Variants in PARVA observed in about 807,000 individuals in gnomAD.
PARVA encodes the protein alpha-parvin.
A neutral mutation model predicts 52.6 loss-of-function variants in PARVA; 25 were observed. The ratio of observed to expected loss-of-function variants is 0.48; its 90% CI spans 0.35 to 0.66. The LOEUF is 0.66. Ranked by LOEUF, PARVA falls within the 30% of genes least tolerant of loss-of-function variation. The pLI is 0.01. For synonymous variants in PARVA, 185 were observed against 179.1 expected (o/e 1.03, Z -0.26); for missense variants, 373 against 450.9 (o/e 0.83, Z 1.56).
rs776245334 is a variant in PARVA, at chr11:12,477,984, T to C, written c.400+35T>C. ...TTGAGTGCTGCAATGGATGTGTGTT[T>C]AATTGCAGGTGGTTGGATCACCTAC... On this transcript the variant is annotated intron_variant, in intron 4 of 12. Transcript: ENST00000334956. 7 of 1,138,594 alleles carry C rather than the reference T, an allele frequency of 6.1e-6. No individual in the cohort carries two copies. The Admixed American group carries it at 1.2e-4, about 19-fold the overall frequency. The allele number at this position is 1,138,594 out of a possible 1,614,324, so 70.5% of individuals were successfully genotyped here. A position where few individuals can be genotyped will look rare whatever the true frequency, so the allele number is the denominator to read the frequency against.
intron 5 of PARVA, among the ~76,000 whole-genome samples, chr11:12,502,478 G>A (rs1205659235): frequency 1.3e-5 from 2 of 151,894 alleles, no homozygotes; most frequent in Non-Finnish European, 2.9e-5. Flanking sequence ...GGACTGTGAA[G>A]GCAGGCAAAA....
At chr11:12,517,192 T>C (rs1352709851) in intron 10 of PARVA, among the ~76,000 whole-genome samples, 1 of 152,006 alleles carries the variant, frequency 6.6e-6, no homozygotes, top group Non-Finnish European at 1.5e-5. Context: ...GGGCGACCTT[T>C]CTCAACCTCA....
chr11:12,423,666 T>C (rs1174104675), intron 1 of PARVA, among the ~76,000 whole-genome samples: 1 of 152,234 alleles, frequency 6.6e-6, no homozygotes, highest in Non-Finnish European at 1.5e-5. Flanking sequence ...GGATATAATA[T>C]ACTTTTCTTC....
rs1436635405 is a variant in PARVA at position 12,534,460 on chromosome 11, G to C, written c.*6535G>C. 4.6e-5 allele frequency among the ~76,000 whole-genome samples: 7 copies of C among 152,124 alleles called. No individual in the cohort carries two copies. The highest frequency in any genetic ancestry group is 1.0e-4 in the Non-Finnish European group (7 of 68,034). Reference sequence around the variant, plus strand: ...CTACACACATGTGGGCACTGGCTTTGATACTGGCATTTGGAAGGGCACTTG... The same window carrying C: ...CTACACACATGTGGGCACTGGCTTTCATACTGGCATTTGGAAGGGCACTTG... On this transcript the variant is annotated 3_prime_UTR_variant, in exon 13 of 13. Transcript: ENST00000334956.
intron 1 of PARVA, among the ~76,000 whole-genome samples, chr11:12,467,037 G>C (rs1367275446): frequency 6.6e-6 from 1 of 152,156 alleles, no homozygotes; most frequent in East Asian, 1.9e-4. Context: ...CCTTTATTTA[G>C]ATCATCTGGG....
At position 12,406,497 on chromosome 11, in the gene PARVA, T is replaced by G. The variant is rs1056883905; in HGVS notation, c.136+28714T>G. On this transcript the variant is annotated intron_variant, in intron 1 of 12. Coordinates refer to ENST00000334956, the MANE Select transcript of PARVA (RefSeq NM_018222.5). Reference sequence around the variant, plus strand: ...TATAACATGCTGCATATCCCACTTTTGTATTTTGATTTTTTTTTTTACTTT... The same window carrying G: ...TATAACATGCTGCATATCCCACTTTGGTATTTTGATTTTTTTTTTTACTTT... Among the ~76,000 whole-genome samples the G allele has an allele frequency of 3.2e-5, 3 of 92,476 alleles. No individual in the cohort carries two copies. In the East Asian group the frequency reaches 8.9e-4, roughly 27 times the overall value. The allele number at this position is 92,476 out of a possible 152,430, so 60.7% of individuals were successfully genotyped here.
intron 10 of PARVA, 88 bp downstream of exon 10, chr11:12,514,153 C>T (rs896234758): frequency 6.4e-5 from 62 of 967,368 alleles, no homozygotes; most frequent in Non-Finnish European, 9.6e-5. Context: ...GCCAGGAGGG[C>T]TTTCCCAGCT....
At chr11:12,506,321 ATCACTAGAGGAGATAAATACTTTTATG>A (rs1414210897) in intron 6 of PARVA, among the ~76,000 whole-genome samples, 1 of 152,228 alleles carries the variant, frequency 6.6e-6, no homozygotes, top group Admixed American at 6.5e-5. Flanking sequence ...TAGCTCTCTT[ATCACTAGAGGAGATAAATACTTTTATG>A]TAAATTGCCC....
intron 1 of PARVA, among the ~76,000 whole-genome samples, chr11:12,451,767 A>G (rs906694806): frequency 2.0e-5 from 3 of 152,240 alleles, no homozygotes; most frequent in Non-Finnish European, 4.4e-5. Flanking sequence ...TGTGTGCAAG[A>G]GGCTCAGCCT....
At chr11:12,443,353 G>A (rs762189071) in intron 1 of PARVA, among the ~76,000 whole-genome samples, 1 of 150,592 alleles carries the variant, frequency 6.6e-6, no homozygotes, top group African/African-American at 2.4e-5. Context: ...TTGTATTTCA[G>A]TAGAGACGGG....
At chr11:12,522,421 CTTT>C (rs66494894) in intron 12 of PARVA, among the ~76,000 whole-genome samples, 24 of 134,598 alleles carry the variant, frequency 1.8e-4, no homozygotes, top group South Asian at 2.4e-4. Flanking sequence ...GAGCTTTATT[CTTT>C]TTTTTTTTTT....
At chr11:12,526,018 C>T (rs1941696264) in intron 12 of PARVA, among the ~76,000 whole-genome samples, 1 of 152,020 alleles carries the variant, frequency 6.6e-6, no homozygotes, top group South Asian at 2.1e-4. Flanking sequence ...GCAAGAATCC[C>T]AAGGCTAAAT....
At chr11:12,497,530 T>A (rs563330390) in intron 5 of PARVA, among the ~76,000 whole-genome samples, 4 of 152,276 alleles carry the variant, frequency 2.6e-5, no homozygotes, top group Admixed American at 2.0e-4. Context: ...CTCCAGCAGG[T>A]CTCTAACATC....
intron 6 of PARVA, among the ~76,000 whole-genome samples, chr11:12,504,774 G>GGTGTGTGTGTGTGTGTGTGTGTGTGT (rs58878351): frequency 6.7e-6 from 1 of 149,240 alleles, no homozygotes; most frequent in Non-Finnish European, 1.5e-5. Flanking sequence ...AAGGTATGTG[G>GGTGTGTGTGTGTGTGTGTGTGTGTGT]GTGTGTGTGT....
intron 1 of PARVA, among the ~76,000 whole-genome samples, chr11:12,390,546 G>C (rs575233532): frequency 2.6e-5 from 4 of 152,138 alleles, no homozygotes; most frequent in African/African-American, 9.7e-5. Context: ...GGCAGGTTAC[G>C]ACCCTAGCTG....
At chr11:12,393,780 T>G (rs1380641504) in intron 1 of PARVA, among the ~76,000 whole-genome samples, 1 of 152,172 alleles carries the variant, frequency 6.6e-6, no homozygotes, top group Admixed American at 6.5e-5. Flanking sequence ...ACATGTTTCA[T>G]TTTGGCACTG....
chr11:12,465,651 A>G (rs939875470), intron 1 of PARVA, among the ~76,000 whole-genome samples: 10 of 152,212 alleles, frequency 6.6e-5, no homozygotes, highest in African/African-American at 2.4e-4. Flanking sequence ...CTTGTCTAGG[A>G]ATATGCATTT....
chr11:12,441,856 G>A (rs1940471048), intron 1 of PARVA, among the ~76,000 whole-genome samples: 1 of 152,214 alleles, frequency 6.6e-6, no homozygotes, highest in Non-Finnish European at 1.5e-5. Context: ...CAGGAAATTG[G>A]AGATAGGGAA....
At chr11:12,484,256 T>C (rs1274988389) in intron 4 of PARVA, among the ~76,000 whole-genome samples, 1 of 152,242 alleles carries the variant, frequency 6.6e-6, no homozygotes, top group African/African-American at 2.4e-5. Flanking sequence ...TTATTGAGGT[T>C]TCCTGGCTTG....
Sources: gnomAD v4.1 joint callset for allele counts (sites outside exome capture counted in the v4.1 genomes callset) on GRCh38, gnomAD v4.1.1 for gene constraint, MANE v1.5 for transcripts, NCBI Gene and HGNC (gene_info 2026-07-23, HGNC 2026-07-21) for gene names.